Variants in TRRAP observed in about 807,000 individuals in gnomAD.
The protein encoded by TRRAP is transformation/transcription domain-associated protein.
A neutral mutation model predicts 438.8 loss-of-function variants in TRRAP; 41 were observed. That is an observed-to-expected ratio of 0.09 (90% CI 0.07 to 0.12). TRRAP has a LOEUF of 0.12. Ranked by LOEUF, TRRAP falls within the 10% of genes least tolerant of loss-of-function variation. The probability of loss-of-function intolerance (pLI) is 1.00; values close to 1 mark genes in which losing one functional copy is unlikely to be tolerated. For synonymous variants in TRRAP, 1,994 were observed against 1,962.9 expected, an observed-to-expected ratio of 1.02 and a Z score of -0.42; for missense variants, 3,122 against 5,055.1, an observed-to-expected ratio of 0.62 and a Z score of 11.60.
chr7:98,991,582 T>G (rs963537290), intron 64 of TRRAP, among the ~76,000 whole-genome samples: 1 of 152,226 alleles, frequency 6.6e-6, no homozygotes, highest in African/African-American at 2.4e-5. Flanking sequence ...CTTTCTTCCT[T>G]TCATGGGCAC....
chr7:98,884,197 A>G (rs1795589629), intron 3 of TRRAP, among the ~76,000 whole-genome samples: 2 of 152,178 alleles, frequency 1.3e-5, no homozygotes, highest in South Asian at 4.1e-4. Context: ...AGCATCCTCT[A>G]ACATTGCTAG....
At chr7:98,983,964 GGTTT>G in intron 60 of TRRAP, 125 bp from the exon 61 acceptor site, 1 of 1,200,932 alleles carries the variant, frequency 8.3e-7, no homozygotes, top group Non-Finnish European at 1.1e-6. Flanking sequence ...AAGTAACGAG[GGTTT>G]ATCACAGAGC....
At position 98,945,029 on chromosome 7, in the gene TRRAP, T is replaced by G. The variant is rs146297597; in HGVS notation, c.4474-718T>G. Among the ~76,000 whole-genome samples the G allele has an allele frequency of 4.3e-3, 655 of 152,312 alleles. 3 individuals are homozygous for G. The highest frequency in any genetic ancestry group is 0.015 in the African/African-American group (617 of 41,574). ...TTTGTTGGCCAGGCTGGTCTTGAAC[T>G]CCTGACCTCAGGTGATCCACCTGCT... is the stretch of plus-strand genomic sequence containing the variant. On this transcript the variant is annotated intron_variant, in intron 31 of 72. Transcript: ENST00000456197.
chr7:98,923,983 G>GA (rs1456977862), intron 21 of TRRAP, among the ~76,000 whole-genome samples: 1 of 152,130 alleles, frequency 6.6e-6, no homozygotes, highest in Non-Finnish European at 1.5e-5. Context: ...TAGGCTTTCT[G>GA]AAAAAAATGA....
chr7:98,959,569 C>G, intron 45 of TRRAP, 79 bp downstream of exon 45: 2 of 1,550,814 alleles, frequency 1.3e-6, no homozygotes, highest in African/African-American at 1.4e-5. Flanking sequence ...AGGGACTGGA[C>G]ATTTGTGGAT....
Position 98,962,404 on chromosome 7 carries a change from A to G in TRRAP, c.6806A>G (p.Asn2269Ser), listed in dbSNP as rs529639313. 16 of 1,614,216 alleles carry G rather than the reference A, an allele frequency of 9.9e-6. No individual in the cohort carries two copies. The South Asian group carries it at 1.4e-4, about 14-fold the overall frequency. ...EGLTNYEKATNANPSQLFGTL... is the reference protein window; with the variant it reads ...EGLTNYEKATSANPSQLFGTL... ...CTCACCAACTACGAGAAGGCCACCA[A>G]TGCCAATCCCTCCCAGCTCTTCGGT... The change falls in exon 47 of 73, where the codon AAT (asparagine) becomes AGT (serine). Residue 2269 changes from asparagine (N) to serine (S), a missense_variant. Asn to Ser is a conservative substitution (Grantham distance 46, BLOSUM62 1). Transcript: ENST00000456197.
chr7:98,881,760 T>C, intron 2 of TRRAP: 4 of 507,238 alleles, frequency 7.9e-6, no homozygotes, highest in Non-Finnish European at 1.4e-5. Flanking sequence ...TTTGTGTGTG[T>C]GTGTATATGC....
In TRRAP at chr7:98,976,771, G is replaced by A; in HGVS notation, c.8247+1G>A. On this transcript the variant is annotated splice_donor_variant, in intron 55 of 72. Coordinates refer to ENST00000456197, the MANE Select transcript of TRRAP (RefSeq NM_001375524.1). LOFTEE classifies it high-confidence loss of function. The surrounding 1 kb of genome is among the most constrained non-coding windows in gnomAD (Gnocchi z 4.6). ...GGAGAGCATCACCCCGCCGCAGCAG[G>A]TGAGGGTGCGCCTCAGTTTGTTAAT... is the stretch of plus-strand genomic sequence containing the variant. The A allele has an allele frequency of 1.2e-6, 2 of 1,612,444 alleles. No individual in the cohort carries two copies. Among genetic ancestry groups the A allele is most frequent in the Non-Finnish European group, 1.7e-6 (2 of 1,178,920 alleles).
chr7:98,961,342 C>T lies in TRRAP; in HGVS notation c.6571C>T (p.Pro2191Ser). 6.2e-7 allele frequency: 1 copy of T among 1,614,196 alleles called. No homozygotes were observed. The highest frequency in any genetic ancestry group is 2.2e-5 in the East Asian group (1 of 44,886). The change falls in exon 46 of 73, where the codon CCA (proline) becomes TCA (serine). Residue 2191 changes from proline to serine, a missense_variant. By Grantham distance (74) the Pro-to-Ser change is moderately conservative (BLOSUM62 -1). Coordinates refer to ENST00000456197, the MANE Select transcript of TRRAP (RefSeq NM_001375524.1). ...CTTCCTGCTAACTGTCCTCCAGTCC[C>T]CAGCCATCCTCAGTAGCTTCAAACC... ...LSFLLTVLQS[P>S]AILSSFKPLQ... is the part of the protein sequence containing the mutation.
chr7:98,911,447 A>G (rs960268657), intron 17 of TRRAP, among the ~76,000 whole-genome samples, 176 bp downstream of exon 17: 3 of 152,200 alleles, frequency 2.0e-5, no homozygotes, highest in Non-Finnish European at 4.4e-5. Context: ...AAAAGATTCA[A>G]ATGCTTTGGA....
rs772345890 is a variant in TRRAP at position 98,990,532 on chromosome 7, A to T, written c.9669A>T (p.Pro3223=). ...DAVDKYCIGV[P]PIQWLAWIPQ... ...TCGACAAGTACTGCATTGGTGTGCC[A>T]CCCATCCAGTGGCTGGCCTGGATCC... Residue 3223 remains proline (P), a synonymous_variant, in exon 64 of 73, where the codon CCA becomes CCT. Coordinates refer to ENST00000456197, the MANE Select transcript of TRRAP (RefSeq NM_001375524.1). The T allele has an allele frequency of 1.9e-6, 3 of 1,614,086 alleles. No homozygotes were observed. Among genetic ancestry groups the T allele is most frequent in the Non-Finnish European group, 2.5e-6 (3 of 1,179,958 alleles).
rs1401029753 is a variant in TRRAP, at chr7:98,902,922, A to AAG, written c.898-456_898-455insGA. ...ACCCCCATTTCTAAAAAAAAAAAAA[A>AAG]AAAAGAAAATTAGGCATGGTGGTAT... On this transcript the variant is annotated intron_variant, in intron 11 of 72. Transcript: ENST00000456197. 1.1e-3 allele frequency among the ~76,000 whole-genome samples: 172 copies of AAG among 151,772 alleles called. 1 individual carries two copies. The highest frequency in any genetic ancestry group is 4.3e-3 in the East Asian group (22 of 5,164).
At chr7:98,900,568 TAA>T (rs1796427513) in intron 10 of TRRAP, 54 bp from the exon 11 acceptor site, 8 of 1,443,126 alleles carry the variant, frequency 5.5e-6, no homozygotes, top group Non-Finnish European at 7.6e-6. Flanking sequence ...GGCTTTTAAT[TAA>T]TACTAACATC....
At position 98,986,006 on chromosome 7, in the gene TRRAP, C is replaced by T. The variant is rs111243762; in HGVS notation, c.9389+962C>T. On this transcript the variant is annotated intron_variant, in intron 62 of 72. Transcript: ENST00000456197. ...TGTACTTTCTGCCTCTATGGATTTGCTTATTCTGAACATTCATATAAATAG... is the reference window on the plus strand; with the variant it reads ...TGTACTTTCTGCCTCTATGGATTTGTTTATTCTGAACATTCATATAAATAG... 3.9e-3 allele frequency among the ~76,000 whole-genome samples: 591 copies of T among 152,292 alleles called. 2 individuals are homozygous for T. Among genetic ancestry groups the T allele is most frequent in the African/African-American group, 0.012 (518 of 41,570 alleles).
At chr7:98,993,787 G>C in intron 66 of TRRAP, 50 bp downstream of exon 66, 1 of 1,582,310 alleles carries the variant, frequency 6.3e-7, no homozygotes, top group African/African-American at 1.3e-5. Flanking sequence ...AGGGGACGTG[G>C]TGTTCTGTAT....
Position 98,953,451 on chromosome 7 carries a change from C to T in TRRAP, c.5730+18C>T. 2 of 1,603,174 alleles carry T rather than the reference C, an allele frequency of 1.2e-6. No homozygotes were observed. Among genetic ancestry groups the T allele is most frequent in the Non-Finnish European group, 1.7e-6 (2 of 1,177,960 alleles). ...TCCTGCAGGTATTTTGCAAGCCCCT[C>T]CTGTCCGCCGACATCAGCGTGAATC... is the stretch of plus-strand genomic sequence containing the variant. On this transcript the variant is annotated intron_variant, in intron 40 of 72. Coordinates refer to ENST00000456197, the MANE Select transcript of TRRAP (RefSeq NM_001375524.1).
At position 98,930,023 on chromosome 7, in the gene TRRAP, C is replaced by A; in HGVS notation, c.3210C>A (p.Ser1070Arg). ...PFLLPCYQVG[S>R]QPSTAMFHSE... is the part of the protein sequence containing the mutation. ...TGCTGCCTTGCTACCAGGTGGGCAG[C>A]CAGCCCAGCACAGCCATGTTTCACA... Residue 1070 changes from serine (S) to arginine (R), a missense_variant, in exon 24 of 73, where the codon AGC becomes AGA. Physicochemically the swap from Ser to Arg is moderately radical, Grantham distance 110 (BLOSUM62 -1). Coordinates refer to ENST00000456197, the MANE Select transcript of TRRAP (RefSeq NM_001375524.1). 1 of 1,614,166 alleles carries A rather than the reference C, an allele frequency of 6.2e-7. No homozygotes were observed. Among genetic ancestry groups the A allele is most frequent in the Non-Finnish European group, 8.5e-7 (1 of 1,180,032 alleles).
Position 98,880,267 on chromosome 7 carries a change from T to TTTTTG in TRRAP, c.-61-819_-61-818insGTTTT, listed in dbSNP as rs527987057. 2.2e-3 allele frequency among the ~76,000 whole-genome samples: 150 copies of TTTTTG among 69,284 alleles called. 2 individuals are homozygous for TTTTTG. Among genetic ancestry groups the TTTTTG allele is most frequent in the East Asian group, 0.01 (24 of 2,398 alleles). The allele number at this position is 69,284 out of a possible 152,430, so 45.5% of individuals were successfully genotyped here. On this transcript the variant is annotated intron_variant, in intron 1 of 72. Transcript: ENST00000456197. ...TGCGTTTTGTTGTTGTTGTTGTTTT[T>TTTTTG]TTTTTTTTTTTTCCGAGACTGAACC...
At chr7:98,960,865 C>G (rs971569430) in intron 45 of TRRAP, among the ~76,000 whole-genome samples, 1 of 152,078 alleles carries the variant, frequency 6.6e-6, no homozygotes, top group African/African-American at 2.4e-5. Flanking sequence ...GATCCATCCA[C>G]TTCAGCCTCC....
Sources: allele counts gnomAD v4.1 joint callset (sites outside exome capture counted in the v4.1 genomes callset), GRCh38; gene constraint gnomAD v4.1.1; non-coding constraint Gnocchi (gnomAD v3.1); transcripts MANE v1.5; gene names NCBI Gene and HGNC (gene_info 2026-07-23, HGNC 2026-07-21).